The following ASH1L variants were observed in gnomAD, a reference collection of about 807,000 sequenced individuals.
ASH1L encodes ASH1 like histone lysine methyltransferase, also known as histone-lysine N-methyltransferase ASH1L.
A neutral mutation model predicts 269.0 loss-of-function variants in ASH1L; 23 were observed. The ratio of observed to expected loss-of-function variants is 0.09; its 90% CI spans 0.06 to 0.12. The LOEUF (loss-of-function observed/expected upper bound fraction) is 0.12, where lower values mean the gene tolerates loss of function less well. ASH1L is among the 10% of genes least tolerant of loss of function. The pLI is 1.00. For missense variants in ASH1L, 2,912 were observed against 3,567.8 expected, an observed-to-expected ratio of 0.82 and a Z score of 4.68; for synonymous variants, 1,187 against 1,253.5, an observed-to-expected ratio of 0.95 and a Z score of 1.12.
intron 4 of ASH1L, chr1:155,440,594 C>G (rs1336062775): frequency 3.4e-6 from 3 of 894,608 alleles, no homozygotes; most frequent in Non-Finnish European, 1.3e-6. Flanking sequence ...TCAGTTTTAT[C>G]TGAAAATTAC....
chr1:155,536,489 G>A (rs1419159981), intron 1 of ASH1L, among the ~76,000 whole-genome samples: 3 of 152,030 alleles, frequency 2.0e-5, no homozygotes, highest in East Asian at 1.9e-4. Flanking sequence ...TCCTACACAC[G>A]CAGTCTGTCA....
intron 5 of ASH1L, among the ~76,000 whole-genome samples, chr1:155,417,484 T>TGAACAAGGAACTACCAGAAAACTGTAACC (rs1660310715): frequency 6.6e-6 from 1 of 152,136 alleles, no homozygotes; most frequent in Non-Finnish European, 1.5e-5. Context: ...TCCATATGGC[T>TGAACAAGGAACTACCAGAAAACTGTAACC]GAACAAGGAA....
chr1:155,492,807 A>T (rs533144763), intron 2 of ASH1L, among the ~76,000 whole-genome samples: 55 of 151,634 alleles, frequency 3.6e-4, no homozygotes, highest in Non-Finnish European at 7.4e-4. Flanking sequence ...ACTGAGATTT[A>T]ACTCACATGC....
intron 5 of ASH1L, among the ~76,000 whole-genome samples, chr1:155,437,198 T>C (rs541146344): frequency 1.3e-5 from 2 of 152,324 alleles, no homozygotes; most frequent in Admixed American, 6.5e-5. Flanking sequence ...AAGATTTGCT[T>C]ATATGCCGGT....
intron 4 of ASH1L, among the ~76,000 whole-genome samples, chr1:155,456,440 T>C (rs1663868214): frequency 6.6e-6 from 1 of 152,234 alleles, no homozygotes; most frequent in African/African-American, 2.4e-5. Flanking sequence ...GACTAATCTA[T>C]TCCATTCTGA....
chr1:155,499,154 T>C (rs2148789603), intron 2 of ASH1L, among the ~76,000 whole-genome samples: 1 of 152,228 alleles, frequency 6.6e-6, no homozygotes, highest in African/African-American at 2.4e-5. Flanking sequence ...CAAAACATGT[T>C]ACTAGCATAA....
intron 1 of ASH1L, among the ~76,000 whole-genome samples, chr1:155,538,077 T>C (rs1293063004): frequency 6.6e-6 from 1 of 151,942 alleles, no homozygotes; most frequent in African/African-American, 2.4e-5. Flanking sequence ...CAGGCTGGAG[T>C]GCTGTGGCAC....
At chr1:155,463,236 G>C (rs1477170489) in intron 3 of ASH1L, among the ~76,000 whole-genome samples, 3 of 152,156 alleles carry the variant, frequency 2.0e-5, no homozygotes, top group Non-Finnish European at 2.9e-5. Context: ...ATGCAGAGCA[G>C]AGTCGAGTGC....
At chr1:155,507,051 G>A (rs1478936789) in intron 2 of ASH1L, among the ~76,000 whole-genome samples, 1 of 152,194 alleles carries the variant, frequency 6.6e-6, no homozygotes, top group East Asian at 1.9e-4. Flanking sequence ...GGGAGGCCAA[G>A]GCGGGCAGGC....
chr1:155,549,875 C>A (rs1043218610), intron 1 of ASH1L, among the ~76,000 whole-genome samples: 5 of 152,152 alleles, frequency 3.3e-5, no homozygotes, highest in African/African-American at 1.2e-4. Context: ...CAGGCCATCA[C>A]TGAAGTCATC....
At chr1:155,544,627 A>G (rs1670666734) in intron 1 of ASH1L, among the ~76,000 whole-genome samples, 1 of 152,144 alleles carries the variant, frequency 6.6e-6, no homozygotes, top group African/African-American at 2.4e-5. Context: ...TAAAAACCAT[A>G]AAGAAAAATA....
At chr1:155,555,414 T>C (rs1396475430) in intron 1 of ASH1L, among the ~76,000 whole-genome samples, 1 of 149,690 alleles carries the variant, frequency 6.7e-6, no homozygotes, top group Non-Finnish European at 1.5e-5. Context: ...GGAGAATCAC[T>C]TGAACCCAGG....
At chr1:155,537,684 T>A (rs901295711) in intron 1 of ASH1L, among the ~76,000 whole-genome samples, 3 of 152,038 alleles carry the variant, frequency 2.0e-5, no homozygotes, top group African/African-American at 7.2e-5. Context: ...AAAGAAAATG[T>A]AGAAGGAAAT....
intron 12 of ASH1L, among the ~76,000 whole-genome samples, chr1:155,362,270 G>C (rs758528694): frequency 1.3e-5 from 2 of 151,812 alleles, no homozygotes; most frequent in Admixed American, 6.6e-5. Context: ...TCCTGAGCTC[G>C]TGATCCGCCC....
chr1:155,389,588 G>A (rs1657739083), intron 7 of ASH1L, among the ~76,000 whole-genome samples: 1 of 151,954 alleles, frequency 6.6e-6, no homozygotes, highest in Non-Finnish European at 1.5e-5. Flanking sequence ...TGCAAGAATT[G>A]CTTGAACCCA....
intron 10 of ASH1L, among the ~76,000 whole-genome samples, chr1:155,374,646 T>C (rs1656272545): frequency 6.6e-6 from 1 of 152,204 alleles, no homozygotes. Context: ...CTTCCTTTTT[T>C]GGCTTTCCTC....
chr1:155,387,055 C>T (rs1192301731), intron 7 of ASH1L, among the ~76,000 whole-genome samples: 1 of 151,696 alleles, frequency 6.6e-6, no homozygotes, highest in Non-Finnish European at 1.5e-5. Context: ...CTCAATGCAA[C>T]CTCCACCTCC....
rs1652959350 is a variant in ASH1L, at chr1:155,343,202, C to CA, written c.8293+111dup. 2.4e-6 allele frequency: 3 copies of CA among 1,240,616 alleles called. No homozygotes were observed. Among genetic ancestry groups the CA allele is most frequent in the Non-Finnish European group, 3.4e-6 (3 of 892,352 alleles). 76.9% of individuals were successfully genotyped at this position (1,240,616 alleles called of 1,614,324 possible). On this transcript the variant is annotated intron_variant, in intron 24 of 27. Coordinates refer to ENST00000392403, the MANE Select transcript of ASH1L (RefSeq NM_018489.3). This position sits in a 1 kb window ranked among gnomAD's most constrained non-coding sequence, Gnocchi z 6.1. ...TGCCACGTTGGCCAGGCTGGTCTCA[C>CA]ACTCCTGGGCTTAAGCAATCTGCCT... is the stretch of plus-strand genomic sequence containing the variant.
At position 155,521,339 on chromosome 1, in the gene ASH1L, C is replaced by T. The variant is rs1244265447; in HGVS notation, c.181G>A (p.Gly61Arg). 6.2e-7 allele frequency: 1 copy of T among 1,614,136 alleles called. No homozygotes were observed. The highest frequency in any genetic ancestry group is 8.5e-7 in the Non-Finnish European group (1 of 1,180,032). ...GCATCAGTCAAACCATCATCTTTCC[C>T]AGCTTCGATGTTTCTTTCTCGATTC... ...KRNRERNIEA[G>R]KDDGLTDAQQ... The change falls in exon 2 of 28, where the codon GGG (glycine) becomes AGG (arginine). Residue 61 changes from glycine (G) to arginine (R), a missense_variant. Physicochemically the swap from Gly to Arg is moderately radical, Grantham distance 125. Around this residue, in one of 13 missense-constraint regions of ASH1L, gnomAD observed 115 missense variants for 101.5 expected, o/e 1.13. Transcript: ENST00000392403.
Sources: allele counts gnomAD v4.1 joint callset (sites outside exome capture counted in the v4.1 genomes callset), GRCh38; gene constraint gnomAD v4.1.1; regional missense constraint gnomAD v4.1.1; non-coding constraint Gnocchi (gnomAD v3.1); transcripts MANE v1.5; gene names NCBI Gene and HGNC (gene_info 2026-07-23, HGNC 2026-07-21).